The following NLGN4Y variants were observed in gnomAD, a reference collection of about 807,000 sequenced individuals.
NLGN4Y encodes neuroligin-4, Y-linked.
In NLGN4Y, 4 loss-of-function variants were observed where a neutral mutation model predicts 8.4. The observed-to-expected ratio is 0.48, with a 90% CI of 0.23 to 1.09. The LOEUF (loss-of-function observed/expected upper bound fraction) is 1.09, where lower values mean the gene tolerates loss of function less well. Among genes scored for constraint, NLGN4Y ranks in the 50% least tolerant of loss-of-function variants. The pLI, the probability that NLGN4Y is intolerant of heterozygous loss-of-function variation, is 0.19. For missense variants in NLGN4Y, 90 were observed against 192.3 expected, an observed-to-expected ratio of 0.47 and a Z score of 3.15; for synonymous variants, 35 against 75.6, an observed-to-expected ratio of 0.46 and a Z score of 2.78.
At chrY:14,801,542 C>CA (rs746849382) in intron 4 of NLGN4Y, among the ~76,000 whole-genome samples, 20 of 5,137 alleles carry the variant, frequency 3.9e-3, no homozygotes, top group Admixed American at 8.8e-3. Flanking sequence ...TCAGATGAAC[C>CA]AAAAAAAAAA....
chrY:14,627,450 G>T, intron 2 of NLGN4Y, among the ~76,000 whole-genome samples: 1 of 34,290 alleles, frequency 2.9e-5, no homozygotes, highest in African/African-American at 1.1e-4. Flanking sequence ...CAGGGAGGTG[G>T]CTGAGGCCTA....
At chrY:14,643,923 C>T (rs2080600912) in intron 2 of NLGN4Y, among the ~76,000 whole-genome samples, 17 of 33,363 alleles carry the variant, frequency 5.1e-4, no homozygotes, top group Non-Finnish European at 7.4e-4. Context: ...AGCCATCCTC[C>T]TTTTTCAGCT....
Position 14,626,691 on chromosome Y carries a change from TGCTGATTGGTCCATTTTACAGAGA to T in NLGN4Y, c.472+4118_472+4141del, listed in dbSNP as rs2150509893. On this transcript the variant is annotated intron_variant, in intron 2 of 6. Coordinates refer to ENST00000684976, the MANE Select transcript of NLGN4Y (RefSeq NM_001365588.1). ...CCCTTATCTGGCCCCACCCACATTC[TGCTGATTGGTCCATTTTACAGAGA>T]GCTGATTGGTCCATTTTGACAGAGT... Among the ~76,000 whole-genome samples, 6 of 33,684 alleles carry T rather than the reference TGCTGATTGGTCCATTTTACAGAGA, an allele frequency of 1.8e-4. No homozygotes were observed. The East Asian group carries it at 4.8e-3, about 27-fold the overall frequency. The allele number at this position is 33,684 out of a possible 37,273, so 90.4% of individuals were successfully genotyped here. A position where few individuals can be genotyped will look rare whatever the true frequency, so the allele number is the denominator to read the frequency against.
At chrY:14,597,635 A>T in intron 1 of NLGN4Y, among the ~76,000 whole-genome samples, 1 of 33,089 alleles carries the variant, frequency 3.0e-5, no homozygotes, top group African/African-American at 1.2e-4. Context: ...GTGTATTTAC[A>T]ATCCTTGAGC....
chrY:14,778,920 C>CT (rs2081137028), intron 4 of NLGN4Y, among the ~76,000 whole-genome samples: 1 of 32,097 alleles, frequency 3.1e-5, no homozygotes, highest in African/African-American at 1.2e-4. Flanking sequence ...AGATTTTTTT[C>CT]TTTTTTGAGA....
At chrY:14,674,083 C>A in intron 2 of NLGN4Y, among the ~76,000 whole-genome samples, 1 of 30,740 alleles carries the variant, frequency 3.3e-5, no homozygotes, top group Non-Finnish European at 7.8e-5. Context: ...ATACCTAATG[C>A]TAGATGAGGA....
rs754264603 is a variant in NLGN4Y at position 14,681,147 on chromosome Y, C to G, written c.473-38312C>G. On this transcript the variant is annotated intron_variant, in intron 2 of 6. Transcript: ENST00000684976. ...TGCCATTCCATTCTTGCTATATTAG[C>G]CTATTTTCACACTTTTATAAAGAAA... Among the ~76,000 whole-genome samples, 46 of 33,352 alleles carry G rather than the reference C, an allele frequency of 1.4e-3. No individual in the cohort carries two copies. The South Asian group carries it at 0.03, about 22-fold the overall frequency. 89.5% of individuals were successfully genotyped at this position (33,352 alleles called of 37,273 possible). A position where few individuals can be genotyped will look rare whatever the true frequency, so the allele number is the denominator to read the frequency against.
At chrY:14,679,983 T>A in intron 2 of NLGN4Y, among the ~76,000 whole-genome samples, 1 of 33,583 alleles carries the variant, frequency 3.0e-5, no homozygotes, top group African/African-American at 1.2e-4. Context: ...ATTCGGAATG[T>A]CAGGACTACT....
chrY:14,552,076 C>CA (rs2080195023), intron 1 of NLGN4Y, among the ~76,000 whole-genome samples: 1 of 33,363 alleles, frequency 3.0e-5, no homozygotes, highest in Non-Finnish European at 7.4e-5. Flanking sequence ...ATAGACACAA[C>CA]AAAAAATTAT....
chrY:14,599,859 G>C (rs2080420418), intron 1 of NLGN4Y, among the ~76,000 whole-genome samples: 1 of 32,767 alleles, frequency 3.1e-5, no homozygotes, highest in Non-Finnish European at 7.4e-5. Flanking sequence ...ATTATCTGCA[G>C]CATAAAGCAT....
intron 4 of NLGN4Y, chrY:14,748,682 G>C: frequency 5.4e-6 from 1 of 185,436 alleles, no homozygotes; most frequent in South Asian, 3.8e-5. Context: ...CAGGCACCAC[G>C]GGATTGCAAG....
intron 4 of NLGN4Y, among the ~76,000 whole-genome samples, chrY:14,729,734 G>C (rs2080965832): frequency 2.9e-5 from 1 of 34,028 alleles, no homozygotes. Flanking sequence ...GTTACTTTCA[G>C]AGGCACTTTA....
At chrY:14,759,062 A>G (rs2081071865) in intron 4 of NLGN4Y, among the ~76,000 whole-genome samples, 1 of 33,416 alleles carries the variant, frequency 3.0e-5, no homozygotes, top group Non-Finnish European at 7.4e-5. Context: ...GATAATTCAA[A>G]TATCTTATTA....
intron 2 of NLGN4Y, among the ~76,000 whole-genome samples, chrY:14,627,511 C>T: frequency 2.0e-4 from 7 of 34,916 alleles, no homozygotes; most frequent in African/African-American, 7.8e-4. Flanking sequence ...GGGGACCCAG[C>T]GCAACCTCCG....
intron 6 of NLGN4Y, among the ~76,000 whole-genome samples, chrY:14,839,966 G>A: frequency 3.1e-5 from 1 of 32,565 alleles, no homozygotes; most frequent in Non-Finnish European, 7.5e-5. Context: ...CCCTTCATAG[G>A]AACTGCCCTC....
At position 14,789,375 on chromosome Y, in the gene NLGN4Y, A is replaced by T; in HGVS notation, c.686-34813A>T. Among the ~76,000 whole-genome samples, 12 of 32,253 alleles carry T rather than the reference A, an allele frequency of 3.7e-4. No homozygotes were observed. The South Asian group carries it at 8.8e-3, about 24-fold the overall frequency. 86.5% of individuals were successfully genotyped at this position (32,253 alleles called of 37,273 possible). A position where few individuals can be genotyped will look rare whatever the true frequency, so the allele number is the denominator to read the frequency against. ...ATGTTGCTTGTACCCACCGCAAATAATTTGTCTATTTATTTTTACTTTTAT... is the reference window on the plus strand; with the variant it reads ...ATGTTGCTTGTACCCACCGCAAATATTTTGTCTATTTATTTTTACTTTTAT... On this transcript the variant is annotated intron_variant, in intron 4 of 6. Transcript: ENST00000684976.
At chrY:14,659,562 A>G (rs1603502251) in intron 2 of NLGN4Y, among the ~76,000 whole-genome samples, 1 of 33,292 alleles carries the variant, frequency 3.0e-5, no homozygotes, top group East Asian at 8.0e-4. Context: ...TCCTGCCTCC[A>G]CAGAACAAGG....
chrY:14,756,575 C>G, intron 4 of NLGN4Y, among the ~76,000 whole-genome samples: 1 of 27,937 alleles, frequency 3.6e-5, no homozygotes, highest in Admixed American at 3.7e-4. Context: ...TGATGAAACC[C>G]CATCTCTACT....
At chrY:14,671,623 G>A (rs2080711221) in intron 2 of NLGN4Y, among the ~76,000 whole-genome samples, 1 of 31,789 alleles carries the variant, frequency 3.1e-5, no homozygotes, top group African/African-American at 1.2e-4. Context: ...AAGGTGCGTG[G>A]ATCACTTGAG....
Sources: allele counts gnomAD v4.1 joint callset (sites outside exome capture counted in the v4.1 genomes callset), GRCh38; gene constraint gnomAD v4.1.1; transcripts MANE v1.5; gene names NCBI Gene and HGNC (gene_info 2026-07-23, HGNC 2026-07-21).